Variants in ZNF232 observed in about 807,000 individuals in gnomAD.
ZNF232 encodes zinc finger protein 232.
Under a neutral mutation model 25.2 loss-of-function variants are expected in ZNF232, and 25 were observed. That is an observed-to-expected ratio of 0.99 (90% CI 0.72 to 1.39). The LOEUF is 1.39. ZNF232 is among the 40% of genes most tolerant of loss of function. The pLI is 0.00. For missense variants in ZNF232, 519 were observed against 520.9 expected (o/e 1.00, Z 0.04); for synonymous variants, 193 against 182.9 (o/e 1.06, Z -0.45).
intron 1 of ZNF232, among the ~76,000 whole-genome samples, chr17:5,120,228 A>G (rs1212350134): frequency 6.6e-6 from 1 of 152,038 alleles, no homozygotes; most frequent in Non-Finnish European, 1.5e-5. Context: ...GGTGACACCA[A>G]CGTAGGGTTG....
Position 5,117,770 on chromosome 17 carries a change from ATGG to A in ZNF232, c.-530+5204_-530+5206del, listed in dbSNP as rs750275993. Among the ~76,000 whole-genome samples the A allele has an allele frequency of 7.9e-5, 12 of 152,120 alleles. No individual in the cohort carries two copies. The South Asian group carries it at 1.5e-3, about 18-fold the overall frequency. On this transcript the variant is annotated intron_variant, in intron 1 of 4. Coordinates refer to the ZNF232 transcript ENST00000250076. ...GCGATAATAGTACAAGCAAGAGATG[ATGG>A]TGGCCTCACTCTAAGGGCATTAAAA...
chr17:5,116,762 C>G (rs2072548082), upstream of ZNF232: 1 of 152,232 alleles, frequency 6.6e-6, no homozygotes, highest in Non-Finnish European at 1.5e-5. Flanking sequence ...GGCAAATTTG[C>G]CTTTCTAGAG....
intron 1 of ZNF232, chr17:5,121,434 A>G (rs2143717187): frequency 3.2e-6 from 1 of 312,998 alleles, no homozygotes; most frequent in South Asian, 3.0e-5. Context: ...GCGGCAGGAT[A>G]GAGATATGGA....
At position 5,111,727 on chromosome 17, in the gene ZNF232, C is replaced by G; in HGVS notation, c.23+73G>C. 1.9e-6 allele frequency: 3 copies of G among 1,610,318 alleles called. No individual in the cohort carries two copies. In the South Asian group the frequency reaches 3.3e-5, roughly 18 times the overall value. ...CCTGCCAGGCCTGCTCACTGCAGAG[C>G]CGCCGCTGCCTGCGGGACGGGCAAA... On this transcript the variant is annotated intron_variant, in intron 1 of 3. Coordinates refer to ENST00000575898, the Ensembl canonical transcript of ZNF232.
At chr17:5,112,613 G>A (rs1450923660), upstream of ZNF232, among the ~76,000 whole-genome samples, 1 of 145,798 alleles carries the variant, frequency 6.9e-6, no homozygotes, top group Non-Finnish European at 1.5e-5. Flanking sequence ...CACCACGCCC[G>A]GCTAATTTTT....
At chr17:5,116,735 C>G, upstream of ZNF232, 1 of 152,250 alleles carries the variant, frequency 6.6e-6, no homozygotes, top group Admixed American at 6.5e-5. Flanking sequence ...TCTTCACTTA[C>G]TAGTTGTGAG....
Position 5,106,345 on chromosome 17 carries a change from TG to T in ZNF232, c.786del (p.Ala264ArgfsTer4), listed in dbSNP as rs760761254. 1 of 1,614,204 alleles carries T rather than the reference TG, an allele frequency of 6.2e-7. No homozygotes were observed. Among genetic ancestry groups the T allele is most frequent in the Admixed American group, 1.7e-5 (1 of 60,030 alleles). On this transcript the variant is annotated frameshift_variant, in exon 4 of 4. Coordinates refer to ENST00000575898, the Ensembl canonical transcript of ZNF232. LOFTEE classifies it low-confidence loss of function (END_TRUNC). Reference sequence around the variant, plus strand: ...GGGGACCACCTCAGTCTCTCCGCTTTGGGATTTCTCTGCTGCAGTTCTAAGG... The same window carrying T: ...GGGGACCACCTCAGTCTCTCCGCTTTGGATTTCTCTGCTGCAGTTCTAAGG...
At chr17:5,112,601 G>A (rs9894750), upstream of ZNF232, among the ~76,000 whole-genome samples, 54,141 of 148,146 alleles carry the variant, frequency 0.37, 11,802 homozygotes, top group Non-Finnish European at 0.5. Context: ...AGAGGCGCCC[G>A]CCACCACGCC....
chr17:5,115,288 G>T (rs944709060), upstream of ZNF232, among the ~76,000 whole-genome samples: 1 of 152,140 alleles, frequency 6.6e-6, no homozygotes, highest in East Asian at 1.9e-4. Flanking sequence ...GTGGTGGGTC[G>T]TGCCTGTAAT....
At position 5,109,869 on chromosome 17, in the gene ZNF232, C is replaced by G. The variant is rs1297716715; in HGVS notation, c.24-1G>C. The G allele has an allele frequency of 1.9e-6, 3 of 1,591,484 alleles. No individual in the cohort carries two copies. Among genetic ancestry groups the G allele is most frequent in the South Asian group, 2.3e-5 (2 of 86,734 alleles). ...CCAGCTGGAATCTTGCAAGGGCCCCCTGTAACATAAGAAGAAATCATTCCT... is the reference window on the plus strand; with the variant it reads ...CCAGCTGGAATCTTGCAAGGGCCCCGTGTAACATAAGAAGAAATCATTCCT... On this transcript the variant is annotated splice_acceptor_variant, in intron 1 of 3. Transcript: ENST00000575898. LOFTEE classifies it high-confidence loss of function.
At chr17:5,111,741 G>A in intron 1 of ZNF232, 59 bp downstream of exon 1, 1 of 1,612,464 alleles carries the variant, frequency 6.2e-7, no homozygotes, top group Non-Finnish European at 8.5e-7. Flanking sequence ...CGCTGCCTGC[G>A]GGACGGGCAA....
chr17:5,121,574 C>T (rs557204785), intron 1 of ZNF232: 6 of 164,534 alleles, frequency 3.6e-5, no homozygotes, highest in East Asian at 1.8e-4. Flanking sequence ...AGGTGTGTTA[C>T]GGGACCCAAC....
chr17:5,111,778 G>C, intron 1 of ZNF232, 22 bp downstream of exon 1: 1 of 1,613,724 alleles, frequency 6.2e-7, no homozygotes, highest in Non-Finnish European at 8.5e-7. Flanking sequence ...TGGACCTCGG[G>C]GAAGCCGCCG....
At chr17:5,119,502 G>A (rs2072604327) in intron 1 of ZNF232, among the ~76,000 whole-genome samples, 1 of 152,164 alleles carries the variant, frequency 6.6e-6, no homozygotes, top group South Asian at 2.1e-4. Flanking sequence ...GGAAGCAAGC[G>A]AGGCTGGGGC....
upstream of ZNF232, among the ~76,000 whole-genome samples, chr17:5,112,600 C>T (rs9896414): frequency 0.36 from 54,139 of 148,970 alleles, 11,794 homozygotes; most frequent in Non-Finnish European, 0.5. Context: ...TAGAGGCGCC[C>T]GCCACCACGC....
At chr17:5,119,059 T>C (rs1027480902) in intron 1 of ZNF232, among the ~76,000 whole-genome samples, 16 of 152,220 alleles carry the variant, frequency 1.1e-4, no homozygotes, top group African/African-American at 3.6e-4. Flanking sequence ...CTGCCACATC[T>C]GCTTAGAATT....
At chr17:5,121,243 G>C (rs2072655040) in intron 1 of ZNF232, 2 of 377,272 alleles carry the variant, frequency 5.3e-6, no homozygotes, top group Middle Eastern at 1.9e-3. Context: ...TGGGTGCAGA[G>C]GGTCTTTGTG....
upstream of ZNF232, chr17:5,111,984 G>A (rs1309167466): frequency 1.4e-5 from 15 of 1,054,582 alleles, no homozygotes; most frequent in African/African-American, 1.6e-5. Flanking sequence ...CGAGAGGCTG[G>A]GAGCCCGGGA....
At chr17:5,109,469 T>C in exon 2 of ZNF232, 3 of 1,614,110 alleles carry the variant, frequency 1.9e-6, no homozygotes, top group Non-Finnish European at 2.5e-6. Context: ...TAGGGTGATG[T>C]CCCCGCACCC....
Sources: allele counts gnomAD v4.1 joint callset (sites outside exome capture counted in the v4.1 genomes callset), GRCh38; gene constraint gnomAD v4.1.1; transcripts MANE v1.5; gene names NCBI Gene and HGNC (gene_info 2026-07-23, HGNC 2026-07-21).